RABGAP1: variants seen among roughly 807,000 people sequenced by gnomAD.
RABGAP1 encodes the protein RAB GTPase activating protein 1.
In RABGAP1, 23 loss-of-function variants were observed where a neutral mutation model predicts 137.6. The ratio of observed to expected loss-of-function variants is 0.17; its 90% CI spans 0.12 to 0.24. RABGAP1 has a LOEUF of 0.24. Ranked by LOEUF, RABGAP1 falls within the 10% of genes least tolerant of loss-of-function variation. The probability of loss-of-function intolerance (pLI) is 1.00; values close to 1 mark genes in which losing one functional copy is unlikely to be tolerated. For missense variants in RABGAP1, 906 were observed against 1,275.8 expected (o/e 0.71, Z 4.42); for synonymous variants, 451 against 450.7 (o/e 1.00, Z -0.01).
At chr9:123,000,698 T>C (rs1837278859) in intron 10 of RABGAP1, among the ~76,000 whole-genome samples, 1 of 152,054 alleles carries the variant, frequency 6.6e-6, no homozygotes, top group Admixed American at 6.6e-5. Context: ...TTTTAAAATA[T>C]AGATGGGGAT....
At chr9:123,038,671 A>G (rs1820108432) in intron 13 of RABGAP1, among the ~76,000 whole-genome samples, 2 of 152,178 alleles carry the variant, frequency 1.3e-5, no homozygotes, top group South Asian at 2.1e-4. Flanking sequence ...TGAAGTCCTC[A>G]TAAATCATTT....
At chr9:122,953,009 A>G (rs977267793) in intron 1 of RABGAP1, among the ~76,000 whole-genome samples, 1 of 152,210 alleles carries the variant, frequency 6.6e-6, no homozygotes, top group African/African-American at 2.4e-5. Context: ...TATTCAAAGT[A>G]CTATTTTGCT....
At chr9:123,011,790 A>G (rs374477923) in intron 11 of RABGAP1, among the ~76,000 whole-genome samples, 44 of 24,696 alleles carry the variant, frequency 1.8e-3, no homozygotes, top group Non-Finnish European at 3.6e-3. Flanking sequence ...CCCTGTCTCT[A>G]CTAAATACAA....
intron 2 of RABGAP1, among the ~76,000 whole-genome samples, chr9:122,970,257 T>A (rs1448380939): frequency 6.6e-6 from 1 of 152,078 alleles, no homozygotes; most frequent in Admixed American, 6.6e-5. Flanking sequence ...ACATTTATGC[T>A]TGGGACATAA....
rs143593362 is a variant in RABGAP1 at position 122,986,414 on chromosome 9, T to G, written c.585T>G (p.Ile195Met). ...CAGTGCCGAATGTGTCTGAAGGAAT[T>G]GTGAGGTGAGACTGGTTTGTTGAAA... ...TLSVPNVSEG[I>M]VRLLDPQTNT... Residue 195 changes from isoleucine (I) to methionine (M), a missense_variant, in exon 4 of 26, where the codon ATT (isoleucine) becomes ATG (methionine). Ile to Met is a conservative substitution (Grantham distance 10). Around this residue, in one of 9 missense-constraint regions of RABGAP1, gnomAD observed 331 missense variants for 358.3 expected, o/e 0.92. Coordinates refer to ENST00000373647, the MANE Select transcript of RABGAP1 (RefSeq NM_012197.4). 5 of 1,613,908 alleles carry G rather than the reference T, an allele frequency of 3.1e-6. No individual in the cohort carries two copies. Among genetic ancestry groups the G allele is most frequent in the Middle Eastern group, 3.3e-4 (2 of 6,054 alleles).
At chr9:123,096,332 A>G (rs1242155434) in intron 21 of RABGAP1, among the ~76,000 whole-genome samples, 1 of 148,974 alleles carries the variant, frequency 6.7e-6, no homozygotes, top group Non-Finnish European at 1.5e-5. Context: ...CAAAGTAAAC[A>G]GATGGAAAAA....
At chr9:123,043,204 T>C (rs1224589835) in intron 13 of RABGAP1, among the ~76,000 whole-genome samples, 1 of 151,984 alleles carries the variant, frequency 6.6e-6, no homozygotes, top group Non-Finnish European at 1.5e-5. Flanking sequence ...AGGAAATAAA[T>C]AAAGAGATAC....
chr9:123,046,472 G>A (rs1006375311), intron 13 of RABGAP1, among the ~76,000 whole-genome samples: 5 of 152,194 alleles, frequency 3.3e-5, no homozygotes, highest in Non-Finnish European at 7.4e-5. Flanking sequence ...TGCTTGAGAG[G>A]CAGACAGACC....
At chr9:123,029,754 C>T in intron 13 of RABGAP1, 4 of 610,772 alleles carry the variant, frequency 6.5e-6, no homozygotes, top group South Asian at 1.4e-5. Context: ...TGGGTGGCAT[C>T]GTGAAGCTCG....
chr9:123,073,574 G>A lies in RABGAP1; in HGVS notation c.2006G>A (p.Ser669Asn). Residue 669 changes from serine (S) to asparagine (N), a missense_variant, in exon 16 of 26, where the codon AGT becomes AAT. Around this residue, in one of 9 missense-constraint regions of RABGAP1, gnomAD observed 30 missense variants for 105.8 expected, o/e 0.28. Coordinates refer to ENST00000373647, the MANE Select transcript of RABGAP1 (RefSeq NM_012197.4). ...CAGATGCCTGAAGAACAGGCATTCA[G>A]TGTTCTGGTCAAGATCATGTTTGAC... ...LLHMPEEQAF[S>N]VLVKIMFDYG... is the part of the protein sequence containing the mutation. The A allele has an allele frequency of 6.2e-7, 1 of 1,613,552 alleles. No individual in the cohort carries two copies. The highest frequency in any genetic ancestry group is 8.5e-7 in the Non-Finnish European group (1 of 1,179,702).
At chr9:122,946,740 T>A (rs1287139163) in intron 1 of RABGAP1, among the ~76,000 whole-genome samples, 2 of 152,192 alleles carry the variant, frequency 1.3e-5, no homozygotes, top group African/African-American at 4.8e-5. Flanking sequence ...AAAATTAAAG[T>A]GTGTTTCCTG....
chr9:123,002,973 C>T (rs866471137), intron 10 of RABGAP1, among the ~76,000 whole-genome samples: 12 of 152,068 alleles, frequency 7.9e-5, no homozygotes, highest in Non-Finnish European at 5.9e-5. Context: ...TTTTATTTTT[C>T]TCCTTATTTG....
At position 123,103,157 on chromosome 9, in the gene RABGAP1, C is replaced by A. The variant is rs1452552405; in HGVS notation, c.3154C>A (p.Arg1052=). The A allele has an allele frequency of 1.2e-5, 20 of 1,613,954 alleles. No homozygotes were observed. The highest frequency in any genetic ancestry group is 1.7e-5 in the Non-Finnish European group (20 of 1,179,994). ...GGCAGCCAAGAAGACGTGGTTTAAC[C>A]GAACACTGAGCTCCATAAAGACAGC... ...VQAAKKTWFN[R]TLSSIKTATG... Residue 1052 remains arginine (R), a synonymous_variant, in exon 26 of 26, where the codon CGA becomes AGA. Transcript: ENST00000373647.
At chr9:122,942,669 CAAA>C (rs10660327) in intron 1 of RABGAP1, among the ~76,000 whole-genome samples, 33 of 90,354 alleles carry the variant, frequency 3.7e-4, no homozygotes, top group Non-Finnish European at 3.4e-4. Context: ...GACTCCGTCT[CAAA>C]AAAAAAAAAA....
At position 123,097,854 on chromosome 9, in the gene RABGAP1, A is replaced by G. The variant is rs755070210; in HGVS notation, c.2733+9A>G. 1.1e-5 allele frequency: 18 copies of G among 1,604,590 alleles called. No individual in the cohort carries two copies. The Admixed American group carries it at 1.6e-4, about 14-fold the overall frequency. ...AAGAAGAGTCTGCTCAGGTAAGGGA[A>G]CTCTCCCACATTCCTCTGTCTTGCA... On this transcript the variant is annotated intron_variant, in intron 22 of 25. Coordinates refer to ENST00000373647, the MANE Select transcript of RABGAP1 (RefSeq NM_012197.4).
chr9:123,030,482 A>C (rs2032237601), intron 13 of RABGAP1, among the ~76,000 whole-genome samples: 1 of 152,152 alleles, frequency 6.6e-6, no homozygotes. Flanking sequence ...ATAGAAAGTT[A>C]CTCAGCCTTC....
chr9:122,982,331 C>A (rs957905511), intron 2 of RABGAP1, among the ~76,000 whole-genome samples: 1 of 152,134 alleles, frequency 6.6e-6, no homozygotes, highest in Non-Finnish European at 1.5e-5. Flanking sequence ...AACGTGTAAA[C>A]ACAAGGCAAA....
At chr9:123,051,496 C>G (rs1174082967) in intron 13 of RABGAP1, among the ~76,000 whole-genome samples, 1 of 151,448 alleles carries the variant, frequency 6.6e-6, no homozygotes, top group African/African-American at 2.4e-5. Flanking sequence ...ATCTGCCCGC[C>G]TCGACCTCCC....
intron 21 of RABGAP1, 125 bp downstream of exon 21, chr9:123,090,510 A>G (rs2035003391): frequency 5.6e-6 from 4 of 718,462 alleles, no homozygotes; most frequent in Non-Finnish European, 8.7e-6. Context: ...TTGTGATACA[A>G]CTTGCTTGTC....
Sources: gnomAD v4.1 joint callset for allele counts (sites outside exome capture counted in the v4.1 genomes callset) on GRCh38, gnomAD v4.1.1 for gene constraint, gnomAD v4.1.1 regional missense constraint, MANE v1.5 for transcripts, NCBI Gene and HGNC (gene_info 2026-07-23, HGNC 2026-07-21) for gene names.